The following EMILIN2 variants were observed in gnomAD, a reference collection of about 807,000 sequenced individuals.
EMILIN2 encodes the protein EMILIN-2.
In EMILIN2, 71 loss-of-function variants were observed where a neutral mutation model predicts 87.1. The ratio of observed to expected loss-of-function variants is 0.82; its 90% CI spans 0.67 to 0.99. The LOEUF is 0.99. Ranked by LOEUF, EMILIN2 falls within the 50% of genes least tolerant of loss-of-function variation. The probability of loss-of-function intolerance (pLI) is 0.00; values close to 1 mark genes in which losing one functional copy is unlikely to be tolerated. For synonymous variants in EMILIN2, 581 were observed against 563.4 expected (o/e 1.03, Z -0.44); for missense variants, 1,407 against 1,371.8 (o/e 1.03, Z -0.40).
In EMILIN2 at chr18:2,913,920, G is replaced by GCCTGGGACTTAA. The variant is rs1568490082; in HGVS notation, c.*521_*532dup. 2.6e-5 allele frequency: 4 copies of GCCTGGGACTTAA among 155,444 alleles called. No homozygotes were observed. The highest frequency in any genetic ancestry group is 9.6e-5 in the African/African-American group (4 of 41,464). 9.6% of individuals were successfully genotyped at this position (155,444 alleles called of 1,614,324 possible). On this transcript the variant is annotated 3_prime_UTR_variant, in exon 8 of 8. Transcript: ENST00000254528. Reference sequence around the variant, plus strand: ...GTTCCACGCTTGGCTCACCATTGCCGCCTGGGACTTAACCTGCTCAGGCGG... The same window carrying GCCTGGGACTTAA: ...GTTCCACGCTTGGCTCACCATTGCCGCCTGGGACTTAACCTGGGACTTAACCTGCTCAGGCGG...
intron 4 of EMILIN2, among the ~76,000 whole-genome samples, chr18:2,899,786 G>A (rs2144055072): frequency 6.6e-6 from 1 of 152,226 alleles, no homozygotes; most frequent in East Asian, 1.9e-4. Flanking sequence ...TTACAGGCGT[G>A]AGCCACCGCG....
Position 2,848,075 on chromosome 18 carries a change from G to C in EMILIN2, c.257+144G>C, listed in dbSNP as rs1384334503. Reference sequence around the variant, plus strand: ...AGCCCGCAGCGGAAAAGCGCTCCGAGCGCTCGCGGGGCACCGGCCACGCTG... The same window carrying C: ...AGCCCGCAGCGGAAAAGCGCTCCGACCGCTCGCGGGGCACCGGCCACGCTG... On this transcript the variant is annotated intron_variant, in intron 2 of 7. Transcript: ENST00000254528. The surrounding 1 kb of genome is among the most constrained non-coding windows in gnomAD (Gnocchi z 4.1). 8.7e-7 allele frequency: 1 copy of C among 1,145,192 alleles called. No individual in the cohort carries two copies. The highest frequency in any genetic ancestry group is 1.6e-5 in the African/African-American group (1 of 63,184). 70.9% of individuals were successfully genotyped at this position (1,145,192 alleles called of 1,614,324 possible).
Position 2,878,934 on chromosome 18 carries a change from C to T in EMILIN2, c.258-6030C>T, listed in dbSNP as rs549259658. Among the ~76,000 whole-genome samples the T allele has an allele frequency of 3.3e-5, 5 of 152,258 alleles. No homozygotes were observed. In the South Asian group the frequency reaches 6.2e-4, roughly 19 times the overall value. On this transcript the variant is annotated intron_variant, in intron 2 of 7. Transcript: ENST00000254528. ...TAAGCGAGTGTCCCCAAGGGGGCAA[C>T]GGGTTTTGGTTCTGTGCAGTTTTAG...
Position 2,847,883 on chromosome 18 carries a change from C to A in EMILIN2, c.209C>A (p.Ala70Asp), listed in dbSNP as rs755062782. 2 of 1,613,530 alleles carry A rather than the reference C, an allele frequency of 1.2e-6. No individual in the cohort carries two copies. The highest frequency in any genetic ancestry group is 1.7e-5 in the Admixed American group (1 of 60,030). Residue 70 changes from alanine to aspartate, a missense_variant, in exon 2 of 8, where the codon GCT (alanine) becomes GAT (aspartate). Ala to Asp is a moderately radical substitution (Grantham distance 126, BLOSUM62 -2). Transcript: ENST00000254528. This position sits in a 1 kb window ranked among gnomAD's most constrained non-coding sequence, Gnocchi z 4.5. ...GAGGGAAGTGAGAGTTTTATTCAGG[C>A]TCAGTACAACTGTGCCTGGAACCAG... The part of the protein sequence containing the change: ...VLEGSESFIQ[A>D]QYNCAWNQMP...
chr18:2,883,417 G>A (rs1000181326), intron 2 of EMILIN2, among the ~76,000 whole-genome samples: 1 of 152,204 alleles, frequency 6.6e-6, no homozygotes, highest in Non-Finnish European at 1.5e-5. Flanking sequence ...TGCTTTCTGG[G>A]AATTGGCTCA....
chr18:2,909,068 T>C (rs1215845243), intron 6 of EMILIN2, 93 bp downstream of exon 6: 3 of 1,483,964 alleles, frequency 2.0e-6, no homozygotes, highest in African/African-American at 1.4e-5. Flanking sequence ...CTCCAGGCTA[T>C]TAGCACAAAT....
Position 2,895,621 on chromosome 18 carries a change from T to C in EMILIN2, c.2359+3135T>C, listed in dbSNP as rs190413914. Among the ~76,000 whole-genome samples, 203 of 152,300 alleles carry C rather than the reference T, an allele frequency of 1.3e-3. 2 individuals carry two copies. Among genetic ancestry groups the C allele is most frequent in the African/African-American group, 4.5e-3 (188 of 41,556 alleles). On this transcript the variant is annotated intron_variant, in intron 4 of 7. Transcript: ENST00000254528. Reference sequence around the variant, plus strand: ...TGTGAAGACTCAGTCATATGTCTGGTGCCTCGGTGCTCCTCCACCTGGCCC... The same window carrying C: ...TGTGAAGACTCAGTCATATGTCTGGCGCCTCGGTGCTCCTCCACCTGGCCC...
chr18:2,869,785 T>TG (rs533888327), intron 2 of EMILIN2, among the ~76,000 whole-genome samples: 13,841 of 55,266 alleles, frequency 0.25, 624 homozygotes, highest in South Asian at 0.36. Flanking sequence ...TGTGTGTGTG[T>TG]TTGTGTGTGT....
intron 2 of EMILIN2, among the ~76,000 whole-genome samples, chr18:2,882,081 C>A (rs1020787313): frequency 2.6e-5 from 4 of 152,192 alleles, no homozygotes; most frequent in Non-Finnish European, 5.9e-5. Context: ...AACGGCCCTG[C>A]CCCTTCCGGG....
intron 4 of EMILIN2, among the ~76,000 whole-genome samples, chr18:2,893,231 A>AT (rs753276394): frequency 5.3e-5 from 8 of 152,200 alleles, no homozygotes; most frequent in Non-Finnish European, 1.2e-4. Context: ...GATTTTTGGC[A>AT]TAACAGCTTG....
At chr18:2,884,081 A>G (rs1185110197) in intron 2 of EMILIN2, among the ~76,000 whole-genome samples, 3 of 150,170 alleles carry the variant, frequency 2.0e-5, no homozygotes, top group Non-Finnish European at 4.4e-5. Context: ...TCAGCCTCCC[A>G]AGGAGCTGGG....
Position 2,890,900 on chromosome 18 carries a change from G to C in EMILIN2, c.773G>C (p.Gly258Ala). Residue 258 changes from glycine to alanine, a missense_variant, in exon 4 of 8, where the codon GGC becomes GCC. By Grantham distance (60) the Gly-to-Ala change is moderately conservative (BLOSUM62 0). Coordinates refer to ENST00000254528, the MANE Select transcript of EMILIN2 (RefSeq NM_032048.3). The surrounding 1 kb of genome is among the most constrained non-coding windows in gnomAD (Gnocchi z 4.7). ...GGTGTCTTCAACACTAAGGAATCTG[G>C]CATGAAGGACATCAAGTCTGAATTG... ...SPGVFNTKES[G>A]MKDIKSELAE... is the part of the protein sequence containing the mutation. 6.2e-7 allele frequency: 1 copy of C among 1,613,988 alleles called. No individual in the cohort carries two copies. Among genetic ancestry groups the C allele is most frequent in the Non-Finnish European group, 8.5e-7 (1 of 1,180,044 alleles).
chr18:2,853,647 A>G (rs1332032580), intron 2 of EMILIN2, among the ~76,000 whole-genome samples: 1 of 152,212 alleles, frequency 6.6e-6, no homozygotes, highest in Non-Finnish European at 1.5e-5. Context: ...GCAAGTAGTT[A>G]GGAAGCAGCA....
rs1375127785 is a variant in EMILIN2, at chr18:2,905,709, TCTC to T, written c.2360-1071_2360-1069del. 7.2e-5 allele frequency among the ~76,000 whole-genome samples: 11 copies of T among 151,860 alleles called. No individual in the cohort carries two copies. In the East Asian group the frequency reaches 2.1e-3, roughly 29 times the overall value. On this transcript the variant is annotated intron_variant, in intron 4 of 7. Transcript: ENST00000254528. ...CCTCCACCTCCTGGGTTCAAGTGAT[TCTC>T]CTGCCTCAGCCTCCCGAGTAGCTGG...
At chr18:2,887,406 G>C (rs918924758) in intron 3 of EMILIN2, among the ~76,000 whole-genome samples, 1 of 152,096 alleles carries the variant, frequency 6.6e-6, no homozygotes, top group African/African-American at 2.4e-5. Context: ...TGGGAGATGG[G>C]GTATCATGGG....
intron 2 of EMILIN2, among the ~76,000 whole-genome samples, chr18:2,872,706 A>G (rs954416995): frequency 2.0e-5 from 3 of 152,222 alleles, no homozygotes; most frequent in Non-Finnish European, 2.9e-5. Flanking sequence ...CTGATCTATG[A>G]CACAGCTTTC....
At chr18:2,870,641 A>G (rs1210371121) in intron 2 of EMILIN2, among the ~76,000 whole-genome samples, 1 of 152,254 alleles carries the variant, frequency 6.6e-6, no homozygotes, top group African/African-American at 2.4e-5. Context: ...GAATCCGAGA[A>G]CTTGTTTGCA....
At chr18:2,897,286 A>C (rs1318872055) in intron 4 of EMILIN2, among the ~76,000 whole-genome samples, 1 of 152,224 alleles carries the variant, frequency 6.6e-6, no homozygotes, top group Non-Finnish European at 1.5e-5. Context: ...AGGATTAACT[A>C]ATGTCCTGGA....
rs2076836879 is a variant in EMILIN2, at chr18:2,891,600, TC to T, written c.1474del (p.Gln492ArgfsTer17). 3 of 1,614,022 alleles carry T rather than the reference TC, an allele frequency of 1.9e-6. No homozygotes were observed. The highest frequency in any genetic ancestry group is 2.5e-6 in the Non-Finnish European group (3 of 1,180,026). ...EVGDLKQLVDQKIQSLEDRLG... is the reference protein window; with the variant it reads ...EVGDLKQLVDXKIQSLEDRLG... ...TGGGTGACTTGAAGCAGCTTGTTGA[TC>T]AGAAAATACAGTCTCTGGAAGACCG... On this transcript the variant is annotated frameshift_variant, in exon 4 of 8. Transcript: ENST00000254528. LOFTEE classifies it high-confidence loss of function. This position sits in a 1 kb window ranked among gnomAD's most constrained non-coding sequence, Gnocchi z 4.6.
Sources: allele counts gnomAD v4.1 joint callset (sites outside exome capture counted in the v4.1 genomes callset), GRCh38; gene constraint gnomAD v4.1.1; non-coding constraint Gnocchi (gnomAD v3.1); transcripts MANE v1.5; gene names NCBI Gene and HGNC (gene_info 2026-07-23, HGNC 2026-07-21).